TMC2: variants seen among roughly 807,000 people sequenced by gnomAD.
TMC2 encodes the protein transmembrane channel-like protein 2.
Under a neutral mutation model 105.9 loss-of-function variants are expected in TMC2, and 102 were observed. That is an observed-to-expected ratio of 0.96 (90% CI 0.82 to 1.14). The LOEUF (loss-of-function observed/expected upper bound fraction) is 1.14. Among genes scored for constraint, TMC2 ranks in the 50% most tolerant of loss-of-function variants. The pLI, the probability that TMC2 is intolerant of heterozygous loss-of-function variation, is 0.00. For missense variants in TMC2, 1,093 were observed against 1,134.3 expected (o/e 0.96, Z 0.52); for synonymous variants, 402 against 422.8 (o/e 0.95, Z 0.60).
chr20:2,631,870 C>A (rs1413623244), intron 17 of TMC2, among the ~76,000 whole-genome samples: 1 of 152,020 alleles, frequency 6.6e-6, no homozygotes, highest in Non-Finnish European at 1.5e-5. Context: ...CTTTCTGACC[C>A]TTTCTGTCTT....
chr20:2,538,915 C>A (rs1401019888), intron 2 of TMC2, among the ~76,000 whole-genome samples: 1 of 152,184 alleles, frequency 6.6e-6, no homozygotes, highest in African/African-American at 2.4e-5. Context: ...TTATACTCTA[C>A]CAGGAGGGAA....
At position 2,637,581 on chromosome 20, in the gene TMC2, C is replaced by G; in HGVS notation, c.2493C>G (p.Leu831=). Residue 831 remains leucine, a synonymous_variant, in exon 19 of 20, where the codon CTC becomes CTG. Transcript: ENST00000358864. ...SSSKNATQLQ[L]TKEETTPPSA... is the part of the protein sequence containing the mutation. The stretch of plus-strand genomic sequence containing the variant: ...CCAAAAATGCCACCCAGCTCCAACT[C>G]ACCAAGGAAGGTAAGCTCTTTGTCA... 1.9e-6 allele frequency: 3 copies of G among 1,610,680 alleles called. No homozygotes were observed. The highest frequency in any genetic ancestry group is 2.5e-6 in the Non-Finnish European group (3 of 1,176,928).
At chr20:2,621,530 G>C (rs148341789) in intron 16 of TMC2, among the ~76,000 whole-genome samples, 1 of 151,582 alleles carries the variant, frequency 6.6e-6, no homozygotes, top group African/African-American at 2.4e-5. Flanking sequence ...CTAGCCAGGC[G>C]TGGTGGCAAG....
intron 7 of TMC2, among the ~76,000 whole-genome samples, chr20:2,586,455 G>T (rs2086232626): frequency 6.6e-6 from 1 of 152,234 alleles, no homozygotes; most frequent in Non-Finnish European, 1.5e-5. Flanking sequence ...AAGAAAAGAG[G>T]TTTAATTGGC....
chr20:2,616,123 C>A lies in TMC2; in HGVS notation c.1873-14C>A, dbSNP rs1450444850. On this transcript the variant is annotated splice_polypyrimidine_tract_variant and intron_variant, in intron 14 of 19. Transcript: ENST00000358864. This position sits in a 1 kb window ranked among gnomAD's most constrained non-coding sequence, Gnocchi z 4.8. ...TTTTTCTCTCTCTCTCTCGCTCCCT[C>A]CCTCCCTCTCTAGCCTTCATATGCT... The A allele has an allele frequency of 2.5e-6, 4 of 1,608,758 alleles. No homozygotes were observed. In the African/African-American group the frequency reaches 5.4e-5, roughly 22 times the overall value.
intron 18 of TMC2, 99 bp downstream of exon 18, chr20:2,636,103 C>G: frequency 2.9e-6 from 3 of 1,021,544 alleles, no homozygotes; most frequent in Middle Eastern, 2.1e-4. Context: ...ATCTAAATGG[C>G]TTTCTTCTAA....
intron 2 of TMC2, among the ~76,000 whole-genome samples, chr20:2,557,408 T>C (rs968411476): frequency 6.6e-6 from 1 of 152,238 alleles, no homozygotes; most frequent in Non-Finnish European, 1.5e-5. Context: ...TGTTTTTGGT[T>C]TTTACCATTT....
intron 7 of TMC2, among the ~76,000 whole-genome samples, chr20:2,588,499 T>C (rs988900002): frequency 1.8e-4 from 28 of 152,196 alleles, no homozygotes; most frequent in African/African-American, 6.5e-4. Context: ...TGTGGTAATT[T>C]GTTACACAGA....
chr20:2,587,346 T>C (rs1452214227), intron 7 of TMC2, among the ~76,000 whole-genome samples: 1 of 152,192 alleles, frequency 6.6e-6, no homozygotes, highest in Non-Finnish European at 1.5e-5. Flanking sequence ...CAGATTGCAT[T>C]CTTGGAATAA....
At chr20:2,552,087 C>CAA (rs977839976) in intron 2 of TMC2, among the ~76,000 whole-genome samples, 3 of 139,890 alleles carry the variant, frequency 2.1e-5, no homozygotes, top group African/African-American at 5.2e-5. Flanking sequence ...AGAGACTCTA[C>CAA]AAAAAAAAAA....
chr20:2,596,800 T>A (rs1405117615), intron 9 of TMC2, among the ~76,000 whole-genome samples: 2 of 152,002 alleles, frequency 1.3e-5, no homozygotes, highest in Non-Finnish European at 2.9e-5. Context: ...GACGTTCCTG[T>A]TTGAGAATAG....
In TMC2 at chr20:2,616,696, G is replaced by A. The variant is rs771440697; in HGVS notation, c.1941-376G>A. ...AAGACTTTCAAGGTGCCAAGGGCTC[G>A]CTGCAAGCCACTGTCCAATTCTCTC... On this transcript the variant is annotated intron_variant, in intron 15 of 19. Transcript: ENST00000358864. This position sits in a 1 kb window ranked among gnomAD's most constrained non-coding sequence, Gnocchi z 4.8. Among the ~76,000 whole-genome samples the A allele has an allele frequency of 2.6e-5, 4 of 152,188 alleles. No individual in the cohort carries two copies. The highest frequency in any genetic ancestry group is 5.9e-5 in the Non-Finnish European group (4 of 68,040).
chr20:2,582,889 T>C (rs548099358), intron 7 of TMC2, among the ~76,000 whole-genome samples: 1 of 152,336 alleles, frequency 6.6e-6, no homozygotes, highest in South Asian at 2.1e-4. Context: ...GCCTTGTTTA[T>C]CTTTAATTGC....
chr20:2,617,601 AT>A (rs1215139505), intron 16 of TMC2: 10 of 434,046 alleles, frequency 2.3e-5, no homozygotes, highest in Non-Finnish European at 8.4e-6. Context: ...TTATTTATTA[AT>A]TTTTAACTGA....
At chr20:2,539,501 G>C (rs898142364) in intron 2 of TMC2, among the ~76,000 whole-genome samples, 14 of 152,204 alleles carry the variant, frequency 9.2e-5, no homozygotes, top group African/African-American at 3.4e-4. Flanking sequence ...CACAGAGAGA[G>C]CTCAGAAGAG....
chr20:2,570,523 A>G (rs1273392865), intron 4 of TMC2, among the ~76,000 whole-genome samples: 1 of 152,170 alleles, frequency 6.6e-6, no homozygotes, highest in Non-Finnish European at 1.5e-5. Flanking sequence ...ACCAAAAAAA[A>G]ATCCATGCTC....
At chr20:2,538,104 C>G (rs1386457244) in intron 2 of TMC2, among the ~76,000 whole-genome samples, 3 of 152,040 alleles carry the variant, frequency 2.0e-5, no homozygotes. Context: ...CCTGGCCCCA[C>G]TCTGGCCAGT....
rs56821075 is a variant in TMC2, at chr20:2,629,529, T to TA, written c.2306+5151dup. On this transcript the variant is annotated intron_variant, in intron 17 of 19. Coordinates refer to ENST00000358864, the MANE Select transcript of TMC2 (RefSeq NM_080751.3). ...TCTAATTATTGATTTCTTACAGAAG[T>TA]AAAAAAAAAAAAAAAAAAGTGACCT... is the stretch of plus-strand genomic sequence containing the variant. Among the ~76,000 whole-genome samples, 847 of 116,054 alleles carry TA rather than the reference T, an allele frequency of 7.3e-3. 17 individuals are homozygous for TA. The highest frequency in any genetic ancestry group is 0.022 in the African/African-American group (671 of 30,578). The allele number at this position is 116,054 out of a possible 152,430, so 76.1% of individuals were successfully genotyped here.
At chr20:2,589,926 C>G (rs1187146210) in intron 7 of TMC2, among the ~76,000 whole-genome samples, 1 of 152,186 alleles carries the variant, frequency 6.6e-6, no homozygotes, top group Non-Finnish European at 1.5e-5. Context: ...ACCTCGGCTT[C>G]CCAAAGTGCT....
Sources: allele counts gnomAD v4.1 joint callset (sites outside exome capture counted in the v4.1 genomes callset), GRCh38; gene constraint gnomAD v4.1.1; non-coding constraint Gnocchi (gnomAD v3.1); transcripts MANE v1.5; gene names NCBI Gene and HGNC (gene_info 2026-07-23, HGNC 2026-07-21).